NFKBIE: variants seen among roughly 807,000 people sequenced by gnomAD.
The protein encoded by NFKBIE is NFKB inhibitor epsilon, also known as NF-kappa-B inhibitor epsilon.
A neutral mutation model predicts 31.6 loss-of-function variants in NFKBIE; 11 were observed. That is an observed-to-expected ratio of 0.35 (90% CI 0.22 to 0.58). The LOEUF (loss-of-function observed/expected upper bound fraction) is 0.58. NFKBIE is among the 20% of genes least tolerant of loss of function. The pLI is 0.83. For synonymous variants in NFKBIE, 208 were observed against 210.1 expected, an observed-to-expected ratio of 0.99 and a Z score of 0.09; for missense variants, 354 against 465.7, an observed-to-expected ratio of 0.76 and a Z score of 2.21.
Position 44,259,420 on chromosome 6 carries a change from C to G in NFKBIE, c.1021-136G>C, listed in dbSNP as rs969534942. 7.5e-6 allele frequency: 5 copies of G among 669,944 alleles called. No individual in the cohort carries two copies. The East Asian group carries it at 1.4e-4, about 19-fold the overall frequency. The allele number at this position is 669,944 out of a possible 1,614,324, so 41.5% of individuals were successfully genotyped here. On this transcript the variant is annotated intron_variant, in intron 5 of 5. Transcript: ENST00000619360. Reference sequence around the variant, plus strand: ...TGAAGACCATCAGGGAACAAATCTTCACACGAATCCTCAAAATAGTGGCCC... The same window carrying G: ...TGAAGACCATCAGGGAACAAATCTTGACACGAATCCTCAAAATAGTGGCCC...
In NFKBIE at chr6:44,259,231, C is replaced by T. The variant is rs150500860; in HGVS notation, c.1074G>A (p.Leu358=). The T allele has an allele frequency of 9.3e-6, 15 of 1,613,604 alleles. No homozygotes were observed. Among genetic ancestry groups the T allele is most frequent in the Middle Eastern group, 1.6e-4 (1 of 6,080 alleles). ...ACCCTGCCTGGCTTCAGTCGGTACA[C>T]AGCAGCAGTTTCCCTGAGATCTTCA... ...DDLKISGKLL[L]CTD is the part of the protein sequence containing the mutation. Residue 358 remains leucine (L), a synonymous_variant, in exon 6 of 6, where the codon CTG becomes CTA. Transcript: ENST00000619360.
rs1781911509 is a variant in NFKBIE, at chr6:44,261,277, A to G, written c.691+349T>C. Among the ~76,000 whole-genome samples, 2 of 152,104 alleles carry G rather than the reference A, an allele frequency of 1.3e-5. No homozygotes were observed. The highest frequency in any genetic ancestry group is 2.4e-5 in the African/African-American group (1 of 41,402). On this transcript the variant is annotated intron_variant, in intron 3 of 5. Transcript: ENST00000619360. This position sits in a 1 kb window ranked among gnomAD's most constrained non-coding sequence, Gnocchi z 4.3. The stretch of plus-strand genomic sequence containing the variant: ...TTATTGCTCATCTCAATCTTTCTCT[A>G]TTTTGCACACAGATGCAAGTGTAGC...
In NFKBIE at chr6:44,265,532, A is replaced by T; in HGVS notation, c.-186T>A. The T allele has an allele frequency of 6.4e-7, 1 of 1,569,866 alleles. No homozygotes were observed. On this transcript the variant is annotated 5_prime_UTR_variant, in exon 1 of 6. Transcript: ENST00000619360. ...GAGGACAAGGTTCGGAGCGCTGGCC[A>T]GGTCCACCCAGCGGTTACTGTGGGC...
Position 44,259,249 on chromosome 6 carries a change from G to C in NFKBIE, c.1056C>G (p.Ile352Met). Residue 352 changes from isoleucine to methionine, a missense_variant, in exon 6 of 6, where the codon ATC (isoleucine) becomes ATG (methionine). Around this residue, in one of 2 missense-constraint regions of NFKBIE, gnomAD observed 183 missense variants for 310.6 expected, o/e 0.59. Transcript: ENST00000619360. ...CGGTACACAGCAGCAGTTTCCCTGA[G>C]ATCTTCAGGTCATCAAAGGGCAAAA... ...LVLLPFDDLK[I>M]SGKLLLCTD 6.2e-7 allele frequency: 1 copy of C among 1,613,784 alleles called. No individual in the cohort carries two copies. Among genetic ancestry groups the C allele is most frequent in the Non-Finnish European group, 8.5e-7 (1 of 1,179,798 alleles).
rs1443871861 is a variant in NFKBIE at position 44,261,889 on chromosome 6, G to GA, written c.469-42_469-41insT. 7 of 1,544,550 alleles carry GA rather than the reference G, an allele frequency of 4.5e-6. No individual in the cohort carries two copies. The highest frequency in any genetic ancestry group is 6.2e-6 in the Non-Finnish European group (7 of 1,137,130). ...GAGGGTCATGGGGCCACTGCAGCAT[G>GA]CTCCCACCTCTGGGAACATGCTTGG... On this transcript the variant is annotated intron_variant, in intron 2 of 5. Transcript: ENST00000619360. The surrounding 1 kb of genome is among the most constrained non-coding windows in gnomAD (Gnocchi z 4.3).
At position 44,264,037 on chromosome 6, in the gene NFKBIE, G is replaced by A. The variant is rs149105586; in HGVS notation, c.365+945C>T. Among the ~76,000 whole-genome samples, 565 of 152,106 alleles carry A rather than the reference G, an allele frequency of 3.7e-3. 4 individuals carry two copies. The highest frequency in any genetic ancestry group is 0.013 in the African/African-American group (520 of 41,470). On this transcript the variant is annotated intron_variant, in intron 1 of 5. Coordinates refer to ENST00000619360, the MANE Select transcript of NFKBIE (RefSeq NM_004556.3). ...GGGTCCACCAGCTGTCTTTATCAAT[G>A]GCCACCCAGGATTAGGACCCTGCAT...
At chr6:44,264,955 C>T (rs750780340) in intron 1 of NFKBIE, 27 bp downstream of exon 1, 150 of 1,548,180 alleles carry the variant, frequency 9.7e-5, no homozygotes, top group Non-Finnish European at 1.3e-4. Context: ...AGTTAGCATC[C>T]CGATTCAGCC....
chr6:44,261,888 T>A lies in NFKBIE; in HGVS notation c.469-40A>T. On this transcript the variant is annotated intron_variant, in intron 2 of 5. Transcript: ENST00000619360. The surrounding 1 kb of genome is among the most constrained non-coding windows in gnomAD (Gnocchi z 4.3). ...AGAGGGTCATGGGGCCACTGCAGCA[T>A]GCTCCCACCTCTGGGAACATGCTTG... The A allele has an allele frequency of 6.5e-7, 1 of 1,547,674 alleles. No individual in the cohort carries two copies. The highest frequency in any genetic ancestry group is 8.8e-7 in the Non-Finnish European group (1 of 1,139,684).
At position 44,265,423 on chromosome 6, in the gene NFKBIE, T is replaced by G; in HGVS notation, c.-77A>C. On this transcript the variant is annotated 5_prime_UTR_variant, in exon 1 of 6. Transcript: ENST00000619360. The stretch of plus-strand genomic sequence containing the variant: ...GCTCCGCCGCGCCGCCTTTCCGGGT[T>G]GCGGGTCCGCTTGGCAGAGCGGGCG... 1 of 1,541,402 alleles carries G rather than the reference T, an allele frequency of 6.5e-7. No individual in the cohort carries two copies. Among genetic ancestry groups the G allele is most frequent in the Non-Finnish European group, 8.7e-7 (1 of 1,150,488 alleles).
At chr6:44,262,683 C>T (rs893206516) in intron 1 of NFKBIE, 21 bp from the exon 2 acceptor site, 1 of 1,606,592 alleles carries the variant, frequency 6.2e-7, no homozygotes, top group Non-Finnish European at 8.5e-7. Flanking sequence ...AGAGGCGGGG[C>T]TTAGAGTTAA....
chr6:44,265,369 G>A lies in NFKBIE; in HGVS notation c.-23C>T, dbSNP rs1782087573. 12 of 1,562,288 alleles carry A rather than the reference G, an allele frequency of 7.7e-6. No homozygotes were observed. In the East Asian group the frequency reaches 2.4e-4, roughly 31 times the overall value. ...CATGCCCGCGGCTCTGGCCGGCCGG[G>A]GCCCGGTCTGAGCAGGATCCGGCTC... On this transcript the variant is annotated 5_prime_UTR_variant, in exon 1 of 6. Coordinates refer to ENST00000619360, the MANE Select transcript of NFKBIE (RefSeq NM_004556.3).
Position 44,258,813 on chromosome 6 carries a change from A to G in NFKBIE, c.*406T>C, listed in dbSNP as rs1781779136. The G allele has an allele frequency of 6.1e-6, 1 of 163,712 alleles. No homozygotes were observed. The highest frequency in any genetic ancestry group is 1.3e-5 in the Non-Finnish European group (1 of 74,418). The allele number at this position is 163,712 out of a possible 1,614,324, so 10.1% of individuals were successfully genotyped here. On this transcript the variant is annotated 3_prime_UTR_variant, in exon 6 of 6. Transcript: ENST00000619360. ...TTTCAGGGTCCTCAACAGCAATAAG[A>G]TGGGACACCTCTCAGGGTTCTGCTT...
chr6:44,259,311 G>C (rs1781805091), intron 5 of NFKBIE, 27 bp from the exon 6 acceptor site: 7 of 1,574,162 alleles, frequency 4.4e-6, no homozygotes, highest in South Asian at 1.1e-5. Flanking sequence ...AGAGAAGCAA[G>C]ATCAGAGGAC....
chr6:44,260,573 TG>T lies in NFKBIE; in HGVS notation c.692-35del. Reference sequence around the variant, plus strand: ...GGGTGAGAGTGAGGGTGAGGGCTGCTGATCTGCATCCACCAACTCCCTCTCT... The same window carrying T: ...GGGTGAGAGTGAGGGTGAGGGCTGCTATCTGCATCCACCAACTCCCTCTCT... On this transcript the variant is annotated intron_variant, in intron 3 of 5. Transcript: ENST00000619360. This position sits in a 1 kb window ranked among gnomAD's most constrained non-coding sequence, Gnocchi z 5.5. 6.2e-7 allele frequency: 1 copy of T among 1,601,010 alleles called. No individual in the cohort carries two copies. Among genetic ancestry groups the T allele is most frequent in the Non-Finnish European group, 8.6e-7 (1 of 1,168,202 alleles).
At chr6:44,262,525 C>T in intron 2 of NFKBIE, 35 bp downstream of exon 2, 1 of 1,574,034 alleles carries the variant, frequency 6.4e-7, no homozygotes, top group African/African-American at 1.3e-5. Context: ...AGGGCACAAA[C>T]AGGTATCTGG....
intron 1 of NFKBIE, among the ~76,000 whole-genome samples, chr6:44,264,648 C>T (rs930448458): frequency 1.2e-4 from 18 of 152,116 alleles, no homozygotes; most frequent in African/African-American, 3.4e-4. Context: ...AGATATTGAG[C>T]AAATAAGGAT....
In NFKBIE at chr6:44,265,382, CA is replaced by C; in HGVS notation, c.-37del. On this transcript the variant is annotated 5_prime_UTR_variant, in exon 1 of 6. Coordinates refer to ENST00000619360, the MANE Select transcript of NFKBIE (RefSeq NM_004556.3). The stretch of plus-strand genomic sequence containing the variant: ...CTGGCCGGCCGGGGCCCGGTCTGAG[CA>C]GGATCCGGCTCCAGGCTCCGCCGCG... 1 of 1,562,208 alleles carries C rather than the reference CA, an allele frequency of 6.4e-7. No individual in the cohort carries two copies. Among genetic ancestry groups the C allele is most frequent in the Non-Finnish European group, 8.6e-7 (1 of 1,161,276 alleles).
rs377641691 is a variant in NFKBIE, at chr6:44,265,373, C to G, written c.-27G>C. On this transcript the variant is annotated 5_prime_UTR_variant, in exon 1 of 6. Transcript: ENST00000619360. ...CCCGCGGCTCTGGCCGGCCGGGGCC[C>G]GGTCTGAGCAGGATCCGGCTCCAGG... 9.0e-6 allele frequency: 14 copies of G among 1,564,024 alleles called. No homozygotes were observed. The Admixed American group carries it at 9.0e-5, about 10-fold the overall frequency.
chr6:44,258,182 T>G lies in NFKBIE; in HGVS notation c.*1037A>C, dbSNP rs1415927600. Reference sequence around the variant, plus strand: ...ACCCACTGCAACTTGGAAAGGCATCTTTATTTGGATGTTTATGCTTTTAAC... The same window carrying G: ...ACCCACTGCAACTTGGAAAGGCATCGTTATTTGGATGTTTATGCTTTTAAC... On this transcript the variant is annotated 3_prime_UTR_variant, in exon 6 of 6. Transcript: ENST00000619360. 1 of 152,276 alleles carries G rather than the reference T, an allele frequency of 6.6e-6. No homozygotes were observed. The highest frequency in any genetic ancestry group is 2.4e-5 in the African/African-American group (1 of 41,460). The allele number at this position is 152,276 out of a possible 1,614,324, so 9.4% of individuals were successfully genotyped here. A position where few individuals can be genotyped will look rare whatever the true frequency, so the allele number is the denominator to read the frequency against.
Sources: allele counts gnomAD v4.1 joint callset (sites outside exome capture counted in the v4.1 genomes callset), GRCh38; gene constraint gnomAD v4.1.1; regional missense constraint gnomAD v4.1.1; non-coding constraint Gnocchi (gnomAD v3.1); transcripts MANE v1.5; gene names NCBI Gene and HGNC (gene_info 2026-07-23, HGNC 2026-07-21).